The following SAFB variants were observed in gnomAD, a reference collection of about 807,000 sequenced individuals.
SAFB encodes the protein scaffold attachment factor B, also known as scaffold attachment factor B1.
Under a neutral mutation model 101.6 loss-of-function variants are expected in SAFB, and 15 were observed. The observed-to-expected ratio is 0.15, with a 90% confidence interval of 0.10 to 0.23. The LOEUF (loss-of-function observed/expected upper bound fraction) is 0.23, where lower values mean the gene tolerates loss of function less well. SAFB is among the 10% of genes least tolerant of loss of function. The probability of loss-of-function intolerance (pLI) is 1.00; values close to 1 mark genes in which losing one functional copy is unlikely to be tolerated. For missense variants in SAFB, 930 were observed against 1,104.1 expected (o/e 0.84, Z 2.23); for synonymous variants, 449 against 407.5 (o/e 1.10, Z -1.23).
intron 15 of SAFB, 76 bp downstream of exon 15, chr19:5,661,884 G>GT: frequency 7.2e-6 from 7 of 966,084 alleles, no homozygotes; most frequent in South Asian, 1.7e-5. Context: ...GTTAGCTTGA[G>GT]ATTTTTTTTT....
intron 2 of SAFB, among the ~76,000 whole-genome samples, chr19:5,640,358 CTT>C (rs34358887): frequency 4.4e-5 from 4 of 91,552 alleles, no homozygotes; most frequent in African/African-American, 9.5e-5. Flanking sequence ...GAAAGATTGG[CTT>C]TTTTTTTTTT....
At chr19:5,656,776 T>C (rs1160093948) in intron 13 of SAFB, among the ~76,000 whole-genome samples, 1 of 151,674 alleles carries the variant, frequency 6.6e-6, no homozygotes, top group Non-Finnish European at 1.5e-5. Flanking sequence ...TTATTTTTAT[T>C]TATTTATTTT....
intron 15 of SAFB, among the ~76,000 whole-genome samples, chr19:5,662,921 C>G (rs530865173): frequency 2.0e-5 from 3 of 151,782 alleles, no homozygotes; most frequent in Non-Finnish European, 4.4e-5. Flanking sequence ...GGATTACAGG[C>G]GTAAGCCACC....
intron 8 of SAFB, among the ~76,000 whole-genome samples, chr19:5,650,324 G>A (rs896940042): frequency 2.0e-5 from 3 of 152,206 alleles, no homozygotes; most frequent in African/African-American, 4.8e-5. Flanking sequence ...AGAGCTATAC[G>A]TGGAAAGAGA....
chr19:5,644,540 A>G (rs2053786978), intron 4 of SAFB, among the ~76,000 whole-genome samples: 1 of 152,156 alleles, frequency 6.6e-6, no homozygotes, highest in Admixed American at 6.5e-5. Flanking sequence ...AGTAGTGGAG[A>G]GTGGTTTTCA....
At chr19:5,662,396 A>T (rs1156992114) in intron 15 of SAFB, among the ~76,000 whole-genome samples, 1 of 151,642 alleles carries the variant, frequency 6.6e-6, no homozygotes, top group Non-Finnish European at 1.5e-5. Flanking sequence ...GGGGAGGTTG[A>T]GGCAGGAAAA....
Position 5,667,325 on chromosome 19 carries a change from T to A in SAFB, c.2454-22T>A. 8 of 1,458,200 alleles carry A rather than the reference T, an allele frequency of 5.5e-6. No homozygotes were observed. The highest frequency in any genetic ancestry group is 1.4e-5 in the South Asian group (1 of 71,928). The allele number at this position is 1,458,200 out of a possible 1,614,324, so 90.3% of individuals were successfully genotyped here. A position where few individuals can be genotyped will look rare whatever the true frequency, so the allele number is the denominator to read the frequency against. Reference sequence around the variant, plus strand: ...GAGCCAGAGATGGGGGCAATCCAAATCAGAGATGTCTCTCTTTCAAGGGGC... The same window carrying A: ...GAGCCAGAGATGGGGGCAATCCAAAACAGAGATGTCTCTCTTTCAAGGGGC... On this transcript the variant is annotated intron_variant, in intron 18 of 20. Coordinates refer to ENST00000588852, the MANE Select transcript of SAFB (RefSeq NM_001201338.2). This position sits in a 1 kb window ranked among gnomAD's most constrained non-coding sequence, Gnocchi z 4.0.
chr19:5,658,404 A>C (rs2054113836), intron 14 of SAFB, among the ~76,000 whole-genome samples: 1 of 152,252 alleles, frequency 6.6e-6, no homozygotes, highest in African/African-American at 2.4e-5. Flanking sequence ...CTTTAGTTTT[A>C]AAAGTAAGGA....
At chr19:5,633,024 C>G (rs909286781) in intron 2 of SAFB, among the ~76,000 whole-genome samples, 12 of 152,216 alleles carry the variant, frequency 7.9e-5, no homozygotes, top group African/African-American at 1.4e-4. Flanking sequence ...TACTGTCTTC[C>G]TTTTCACAGT....
rs540203587 is a variant in SAFB, at chr19:5,644,066, G to A, written c.547-1271G>A. ...TGTTTTGTTTTGTTTTTGTTTTGGGGTTTTTTTGTTTTTGCTTTGTTTTGC... is the reference window on the plus strand; with the variant it reads ...TGTTTTGTTTTGTTTTTGTTTTGGGATTTTTTTGTTTTTGCTTTGTTTTGC... On this transcript the variant is annotated intron_variant, in intron 4 of 20. Transcript: ENST00000588852. 3.9e-5 allele frequency among the ~76,000 whole-genome samples: 6 copies of A among 151,966 alleles called. No individual in the cohort carries two copies. In the South Asian group the frequency reaches 1.2e-3, roughly 32 times the overall value.
intron 2 of SAFB, among the ~76,000 whole-genome samples, chr19:5,627,274 G>A (rs1010532304): frequency 1.3e-5 from 2 of 152,014 alleles, no homozygotes; most frequent in African/African-American, 4.8e-5. Context: ...CAGTCTAGGA[G>A]TTTGAGACCA....
intron 2 of SAFB, among the ~76,000 whole-genome samples, chr19:5,627,780 C>T (rs955796210): frequency 1.3e-5 from 2 of 152,178 alleles, no homozygotes; most frequent in African/African-American, 4.8e-5. Flanking sequence ...CCAATAGCAA[C>T]TCGTCTCCTT....
intron 14 of SAFB, among the ~76,000 whole-genome samples, chr19:5,660,574 G>C (rs2054175057): frequency 6.6e-6 from 1 of 151,462 alleles, no homozygotes; most frequent in Non-Finnish European, 1.5e-5. Context: ...TGTAGGTAAA[G>C]GATCGAAAGA....
intron 14 of SAFB, among the ~76,000 whole-genome samples, chr19:5,659,555 G>A (rs181153683): frequency 2.6e-5 from 4 of 151,840 alleles, no homozygotes; most frequent in Non-Finnish European, 5.9e-5. Context: ...CTAATTTTTT[G>A]TATTTTTAGT....
rs1233255063 is a variant in SAFB at position 5,654,193 on chromosome 19, A to C, written c.1659A>C (p.Thr553=). ...GCCCCTCAGAGCGATCTCGAGCCAC[A>C]AAGTCAGGTGGGCAGCTCATGAGCC... ...KPGPSERSRA[T]KSGSRGTERT... is the part of the protein sequence containing the mutation. Residue 553 remains threonine (T), a synonymous_variant, in exon 12 of 21, where the codon ACA becomes ACC. Transcript: ENST00000588852. 6.2e-7 allele frequency: 1 copy of C among 1,614,228 alleles called. No homozygotes were observed.
chr19:5,659,226 A>G (rs2054137904), intron 14 of SAFB, among the ~76,000 whole-genome samples: 1 of 151,622 alleles, frequency 6.6e-6, no homozygotes, highest in Non-Finnish European at 1.5e-5. Flanking sequence ...AATCGTTTGA[A>G]CCCAGGGGGT....
intron 2 of SAFB, among the ~76,000 whole-genome samples, chr19:5,636,073 A>C (rs1568253398): frequency 6.6e-6 from 1 of 152,032 alleles, no homozygotes; most frequent in Non-Finnish European, 1.5e-5. Flanking sequence ...CGACATTTCC[A>C]GTCACATTTT....
rs1490910894 is a variant in SAFB at position 5,641,659 on chromosome 19, G to A, written c.339+1G>A. Reference sequence around the variant, plus strand: ...GGAGGAAAACTCTGGGGATGGACAGGTATGTGCAGCCTTGCGAGTGAGTAG... The same window carrying A: ...GGAGGAAAACTCTGGGGATGGACAGATATGTGCAGCCTTGCGAGTGAGTAG... On this transcript the variant is annotated splice_donor_variant, in intron 3 of 20. Transcript: ENST00000588852. LOFTEE classifies it high-confidence loss of function. 1 of 1,614,034 alleles carries A rather than the reference G, an allele frequency of 6.2e-7. No homozygotes were observed.
intron 9 of SAFB, 89 bp downstream of exon 9, chr19:5,651,161 T>A: frequency 1.3e-6 from 1 of 777,422 alleles, no homozygotes; most frequent in Admixed American, 2.4e-5. Context: ...AGTGAGTTCT[T>A]TGAGAGATAC....
Sources: allele counts gnomAD v4.1 joint callset (sites outside exome capture counted in the v4.1 genomes callset), GRCh38; gene constraint gnomAD v4.1.1; non-coding constraint Gnocchi (gnomAD v3.1); transcripts MANE v1.5; gene names NCBI Gene and HGNC (gene_info 2026-07-23, HGNC 2026-07-21).